DTX1: variants seen among roughly 807,000 people sequenced by gnomAD.
DTX1 encodes the protein deltex E3 ubiquitin ligase 1.
Under a neutral mutation model 57.8 loss-of-function variants are expected in DTX1, and 26 were observed. The ratio of observed to expected loss-of-function variants is 0.45; its 90% CI spans 0.33 to 0.62. DTX1 has a LOEUF of 0.62. Among genes scored for constraint, DTX1 ranks in the 20% least tolerant of loss-of-function variants. DTX1 has a pLI of 0.02. For missense variants in DTX1, 704 were observed against 895.3 expected (o/e 0.79, Z 2.73); for synonymous variants, 398 against 394.1 (o/e 1.01, Z -0.12).
chr12:113,093,063 G>T lies in DTX1; in HGVS notation c.942-99G>T, dbSNP rs975321803. 6 of 1,209,190 alleles carry T rather than the reference G, an allele frequency of 5.0e-6. No individual in the cohort carries two copies. The highest frequency in any genetic ancestry group is 1.9e-4 in the Middle Eastern group (1 of 5,318). 74.9% of individuals were successfully genotyped at this position (1,209,190 alleles called of 1,614,324 possible). On this transcript the variant is annotated intron_variant, in intron 3 of 9. Transcript: ENST00000548759. This position sits in a 1 kb window ranked among gnomAD's most constrained non-coding sequence, Gnocchi z 4.2. ...GGCAGAGAGGTACAAAGAGGCCAGG[G>T]TGTGTGGCCCAGGAGCCAGAGACAG...
chr12:113,086,622 G>T (rs959825866), intron 3 of DTX1, among the ~76,000 whole-genome samples: 2 of 152,106 alleles, frequency 1.3e-5, no homozygotes, highest in Non-Finnish European at 1.5e-5. Flanking sequence ...TTGTTGTGGT[G>T]GGTGTGTTTT....
At chr12:113,075,275 C>T (rs1467966562) in intron 2 of DTX1, among the ~76,000 whole-genome samples, 2 of 152,236 alleles carry the variant, frequency 1.3e-5, no homozygotes, top group African/African-American at 4.8e-5. Flanking sequence ...TGAGGGCTGT[C>T]TGCCTCCCAG....
intron 5 of DTX1, 25 bp from the exon 6 acceptor site, chr12:113,094,013 A>G: frequency 6.4e-7 from 1 of 1,565,992 alleles, no homozygotes; most frequent in African/African-American, 1.3e-5. Context: ...GGTACCCTCA[A>G]ACCCACCCCG....
chr12:113,075,845 A>C (rs1326810363), intron 2 of DTX1, among the ~76,000 whole-genome samples: 1 of 152,288 alleles, frequency 6.6e-6, no homozygotes, highest in Non-Finnish European at 1.5e-5. Context: ...TTTGTGACCT[A>C]ATGAATTTAT....
intron 3 of DTX1, among the ~76,000 whole-genome samples, chr12:113,084,023 C>T (rs1271094053): frequency 2.0e-5 from 3 of 152,258 alleles, no homozygotes; most frequent in Admixed American, 1.3e-4. Flanking sequence ...TCATTCTCAC[C>T]TCCAACCTCA....
chr12:113,093,935 T>G lies in DTX1; in HGVS notation c.1166-103T>G. 1 of 1,508,866 alleles carries G rather than the reference T, an allele frequency of 6.6e-7. No individual in the cohort carries two copies. The highest frequency in any genetic ancestry group is 2.4e-5 in the East Asian group (1 of 40,890). 93.5% of individuals were successfully genotyped at this position (1,508,866 alleles called of 1,614,324 possible). ...TGCCAGCCTGACCCCGGCCAACCCT[T>G]GCCAGCCTGACCCCTGCCCTCTGAC... On this transcript the variant is annotated intron_variant, in intron 5 of 9. Coordinates refer to ENST00000548759, the MANE Select transcript of DTX1 (RefSeq NM_004416.3). This position sits in a 1 kb window ranked among gnomAD's most constrained non-coding sequence, Gnocchi z 4.2.
At chr12:113,059,867 C>T (rs546786298) in intron 2 of DTX1, among the ~76,000 whole-genome samples, 26 of 152,340 alleles carry the variant, frequency 1.7e-4, no homozygotes, top group Admixed American at 2.6e-4. Context: ...TCTTCAGTCT[C>T]ACTAGCCACA....
Position 113,057,885 on chromosome 12 carries a change from C to T in DTX1, c.-308C>T, listed in dbSNP as rs2044639099. On this transcript the variant is annotated 5_prime_UTR_variant, in exon 2 of 10. Coordinates refer to ENST00000548759, the MANE Select transcript of DTX1 (RefSeq NM_004416.3). Reference sequence around the variant, plus strand: ...ACAGGGGCGGCTGCCTCACTCCCTACCTGAGCCAGCCGAGGGGGCCAAGGA... The same window carrying T: ...ACAGGGGCGGCTGCCTCACTCCCTATCTGAGCCAGCCGAGGGGGCCAAGGA... 5.2e-6 allele frequency: 2 copies of T among 382,288 alleles called. No individual in the cohort carries two copies. Among genetic ancestry groups the T allele is most frequent in the Non-Finnish European group, 9.4e-6 (2 of 212,936 alleles). 23.7% of individuals were successfully genotyped at this position (382,288 alleles called of 1,614,324 possible).
chr12:113,096,738 C>G lies in DTX1; in HGVS notation c.1662C>G (p.Ala554=). 6.2e-7 allele frequency: 1 copy of G among 1,613,322 alleles called. No individual in the cohort carries two copies. The highest frequency in any genetic ancestry group is 2.2e-5 in the East Asian group (1 of 44,848). The part of the protein sequence containing the change: ...GRKVLRLLIT[A]WERRLIFTIG... ...AGGTGCTGCGGCTGCTCATCACGGC[C>G]TGGGAGAGAAGACTCATCTTCACTA... Residue 554 remains alanine, a synonymous_variant, in exon 10 of 10, where the codon GCC becomes GCG. Transcript: ENST00000548759.
chr12:113,081,118 G>A (rs1327358010), intron 3 of DTX1, among the ~76,000 whole-genome samples: 2 of 152,120 alleles, frequency 1.3e-5, no homozygotes, highest in Non-Finnish European at 2.9e-5. Context: ...CAAAGTAGGT[G>A]GATCACTTGA....
chr12:113,093,328 C>T lies in DTX1; in HGVS notation c.1003+105C>T. On this transcript the variant is annotated intron_variant, in intron 4 of 9. Coordinates refer to ENST00000548759, the MANE Select transcript of DTX1 (RefSeq NM_004416.3). This position sits in a 1 kb window ranked among gnomAD's most constrained non-coding sequence, Gnocchi z 4.2. ...CCGAGATGGGCTGGTGAGCGTGGCCCGGAGGAAACGCCCCCTTCCACTGGG... is the reference window on the plus strand; with the variant it reads ...CCGAGATGGGCTGGTGAGCGTGGCCTGGAGGAAACGCCCCCTTCCACTGGG... 8.5e-6 allele frequency: 12 copies of T among 1,405,292 alleles called. No homozygotes were observed. The highest frequency in any genetic ancestry group is 1.3e-5 in the South Asian group (1 of 74,884). 87.1% of individuals were successfully genotyped at this position (1,405,292 alleles called of 1,614,324 possible).
intron 3 of DTX1, among the ~76,000 whole-genome samples, chr12:113,087,018 C>T (rs549771320): frequency 8.0e-4 from 121 of 152,026 alleles, no homozygotes; most frequent in Admixed American, 1.5e-3. Context: ...TGGGAACAGC[C>T]GGTCCTGCCC....
intron 9 of DTX1, among the ~76,000 whole-genome samples, chr12:113,096,392 G>A (rs909985500): frequency 1.6e-5 from 2 of 125,970 alleles, no homozygotes; most frequent in Admixed American, 2.1e-4. Context: ...GTGAGCTCTG[G>A]TTGCACTGCT....
intron 3 of DTX1, among the ~76,000 whole-genome samples, chr12:113,081,406 T>C (rs547409985): frequency 6.6e-6 from 1 of 152,322 alleles, no homozygotes; most frequent in East Asian, 1.9e-4. Context: ...TTTCATGGCC[T>C]AGTGTTAATT....
intron 6 of DTX1, among the ~76,000 whole-genome samples, 195 bp from the exon 7 acceptor site, chr12:113,094,594 A>T (rs1358229975): frequency 6.6e-6 from 1 of 152,224 alleles, no homozygotes; most frequent in African/African-American, 2.4e-5. Context: ...AATAAATAAA[A>T]TAAATAAAAT....
chr12:113,079,642 C>T (rs1035741202), intron 3 of DTX1, among the ~76,000 whole-genome samples: 1 of 149,854 alleles, frequency 6.7e-6, no homozygotes, highest in Admixed American at 6.7e-5. Flanking sequence ...ATTCTTCTGC[C>T]TCAGTCTTCT....
intron 3 of DTX1, among the ~76,000 whole-genome samples, chr12:113,086,920 C>T (rs532966201): frequency 8.6e-5 from 13 of 151,018 alleles, no homozygotes; most frequent in Non-Finnish European, 1.6e-4. Context: ...CTCCCCCCAC[C>T]CTGCCCCCCA....
chr12:113,083,595 G>T (rs2136062529), intron 3 of DTX1, among the ~76,000 whole-genome samples: 2 of 152,242 alleles, frequency 1.3e-5, no homozygotes, highest in Middle Eastern at 6.8e-3. Flanking sequence ...CGAAATTCTG[G>T]GATTACAGGC....
At chr12:113,086,049 C>T (rs557276283) in intron 3 of DTX1, among the ~76,000 whole-genome samples, 1 of 152,236 alleles carries the variant, frequency 6.6e-6, no homozygotes, top group East Asian at 1.9e-4. Flanking sequence ...GGGAGGATCA[C>T]TTGAGCCCAG....
Sources: gnomAD v4.1 joint callset for allele counts (sites outside exome capture counted in the v4.1 genomes callset) on GRCh38, gnomAD v4.1.1 for gene constraint, Gnocchi (gnomAD v3.1) non-coding constraint, MANE v1.5 for transcripts, NCBI Gene and HGNC (gene_info 2026-07-23, HGNC 2026-07-21) for gene names.